The following STXBP6 variants were observed in gnomAD, a reference collection of about 807,000 sequenced individuals.
STXBP6 encodes syntaxin binding protein 6.
In STXBP6, 21 loss-of-function variants were observed where a neutral mutation model predicts 26.9. The ratio of observed to expected loss-of-function variants is 0.78; its 90% CI spans 0.55 to 1.12. The LOEUF is 1.12. STXBP6 is among the 50% of genes most tolerant of loss of function. The probability of loss-of-function intolerance (pLI) is 0.00; values close to 1 mark genes in which losing one functional copy is unlikely to be tolerated. For synonymous variants in STXBP6, 97 were observed against 92.6 expected, an observed-to-expected ratio of 1.05 and a Z score of -0.27; for missense variants, 232 against 257.9, an observed-to-expected ratio of 0.90 and a Z score of 0.69.
chr14:25,025,672 T>C (rs1418347082), intron 1 of STXBP6, among the ~76,000 whole-genome samples: 1 of 152,086 alleles, frequency 6.6e-6, no homozygotes, highest in Non-Finnish European at 1.5e-5. Flanking sequence ...GCAAAAGAAA[T>C]GAAGGCAAAA....
intron 2 of STXBP6, among the ~76,000 whole-genome samples, chr14:24,918,447 C>T (rs917995908): frequency 4.4e-5 from 6 of 134,908 alleles, no homozygotes; most frequent in African/African-American, 1.4e-4. Flanking sequence ...AAAACCACAC[C>T]CCCACCACAC....
chr14:24,856,168 G>A (rs2069326795), intron 3 of STXBP6, 67 bp from the exon 4 acceptor site: 2 of 1,444,354 alleles, frequency 1.4e-6, no homozygotes, highest in African/African-American at 2.9e-5. Flanking sequence ...GATTACTCCT[G>A]TCAAAAGATT....
chr14:25,044,397 C>G (rs2075693705), intron 1 of STXBP6, among the ~76,000 whole-genome samples: 1 of 152,092 alleles, frequency 6.6e-6, no homozygotes, highest in Non-Finnish European at 1.5e-5. Flanking sequence ...TCCACATTCT[C>G]CACCTGGCCG....
In STXBP6 at chr14:24,974,800, T is replaced by C. The variant is rs765190678; in HGVS notation, c.19A>G (p.Ile7Val). 3 of 1,608,886 alleles carry C rather than the reference T, an allele frequency of 1.9e-6. No homozygotes were observed. Among genetic ancestry groups the C allele is most frequent in the Non-Finnish European group, 2.5e-6 (3 of 1,177,190 alleles). MSAKSAISKEIFAPLDE... is the reference protein window; with the variant it reads MSAKSAVSKEIFAPLDE... Reference sequence around the variant, plus strand: ...AGAGGTGCAAAAATTTCCTTGCTGATAGCAGATTTGGCACTCATTGTAGAA... The same window carrying C: ...AGAGGTGCAAAAATTTCCTTGCTGACAGCAGATTTGGCACTCATTGTAGAA... The change falls in exon 2 of 6, where the codon ATC (isoleucine) becomes GTC (valine). Residue 7 changes from isoleucine (I) to valine (V), a missense_variant. Ile to Val is a conservative substitution (Grantham distance 29, BLOSUM62 3). Coordinates refer to ENST00000323944, the MANE Select transcript of STXBP6 (RefSeq NM_001394410.1).
intron 4 of STXBP6, among the ~76,000 whole-genome samples, chr14:24,855,089 G>A (rs999614995): frequency 1.1e-4 from 16 of 152,048 alleles, no homozygotes; most frequent in African/African-American, 3.9e-4. Context: ...GACAGTATGT[G>A]TGTCAGTTGC....
chr14:24,966,539 CAAGAG>C (rs2073739761), intron 2 of STXBP6, among the ~76,000 whole-genome samples: 1 of 152,158 alleles, frequency 6.6e-6, no homozygotes, highest in East Asian at 1.9e-4. Flanking sequence ...GTAGAAATAA[CAAGAG>C]AAGGCTGTTG....
At chr14:24,906,780 T>C (rs1221538407) in intron 2 of STXBP6, among the ~76,000 whole-genome samples, 1 of 152,156 alleles carries the variant, frequency 6.6e-6, no homozygotes, top group African/African-American at 2.4e-5. Flanking sequence ...AGTAAATTGA[T>C]GTAGTAGGAA....
intron 1 of STXBP6, among the ~76,000 whole-genome samples, chr14:25,013,427 T>C (rs2140390367): frequency 6.6e-6 from 1 of 151,678 alleles, no homozygotes; most frequent in East Asian, 1.9e-4. Context: ...TTGATGGATT[T>C]AGACAGCAAA....
intron 1 of STXBP6, among the ~76,000 whole-genome samples, chr14:24,988,297 TACC>T (rs2074384118): frequency 6.6e-6 from 1 of 152,180 alleles, no homozygotes; most frequent in Non-Finnish European, 1.5e-5. Flanking sequence ...AGTGAGTAAT[TACC>T]ACAACCTGGG....
At chr14:24,839,739 A>C (rs545823138) in intron 4 of STXBP6, among the ~76,000 whole-genome samples, 1 of 152,202 alleles carries the variant, frequency 6.6e-6, no homozygotes, top group Non-Finnish European at 1.5e-5. Flanking sequence ...CAACTTTGGG[A>C]GATAGGTACT....
At chr14:24,886,445 C>A (rs2070592101) in intron 2 of STXBP6, among the ~76,000 whole-genome samples, 1 of 152,068 alleles carries the variant, frequency 6.6e-6, no homozygotes, top group Non-Finnish European at 1.5e-5. Context: ...CATCTAATGA[C>A]CTTAATACAG....
At chr14:24,972,938 G>A (rs1184735773) in intron 2 of STXBP6, among the ~76,000 whole-genome samples, 1 of 152,162 alleles carries the variant, frequency 6.6e-6, no homozygotes, top group Non-Finnish European at 1.5e-5. Context: ...GCAACAGAGT[G>A]AGAACTCATC....
At chr14:24,946,783 G>A (rs1241127516) in intron 2 of STXBP6, among the ~76,000 whole-genome samples, 1 of 152,166 alleles carries the variant, frequency 6.6e-6, no homozygotes, top group African/African-American at 2.4e-5. Flanking sequence ...AGCATTGTTG[G>A]TACTTAATGG....
intron 2 of STXBP6, among the ~76,000 whole-genome samples, chr14:24,942,006 C>G (rs2072821060): frequency 6.6e-6 from 1 of 152,204 alleles, no homozygotes; most frequent in Admixed American, 6.5e-5. Context: ...TACTTCAATT[C>G]TTTCTGTGTC....
intron 2 of STXBP6, among the ~76,000 whole-genome samples, chr14:24,952,159 CATG>C (rs1354239088): frequency 4.0e-5 from 6 of 151,286 alleles, no homozygotes; most frequent in East Asian, 3.9e-4. Context: ...CATGGGGATT[CATG>C]ATATTATTCT....
At chr14:25,001,402 T>G (rs1414207358) in intron 1 of STXBP6, among the ~76,000 whole-genome samples, 3 of 152,174 alleles carry the variant, frequency 2.0e-5, no homozygotes. Context: ...ACAAATCACT[T>G]TCAACCATAC....
At chr14:24,885,891 T>C (rs1197631737) in intron 2 of STXBP6, among the ~76,000 whole-genome samples, 1 of 152,246 alleles carries the variant, frequency 6.6e-6, no homozygotes, top group Non-Finnish European at 1.5e-5. Flanking sequence ...TGTACAGGAA[T>C]ATATGAATAT....
rs2067768460 is a variant in STXBP6, at chr14:24,809,722, G to A, written c.*2987C>T. 1 of 152,142 alleles carries A rather than the reference G, an allele frequency of 6.6e-6. No homozygotes were observed. Among genetic ancestry groups the A allele is most frequent in the Non-Finnish European group, 1.5e-5 (1 of 68,026 alleles). 9.4% of individuals were successfully genotyped at this position (152,142 alleles called of 1,614,324 possible). On this transcript the variant is annotated 3_prime_UTR_variant, in exon 6 of 6. Transcript: ENST00000323944. ...GTTGTAATAGTGAATCAATAGAGCA[G>A]GTGTTACTTATCTCTGAATTAAACA...
intron 2 of STXBP6, among the ~76,000 whole-genome samples, chr14:24,890,387 A>G (rs1317579838): frequency 6.6e-6 from 1 of 152,258 alleles, no homozygotes; most frequent in Non-Finnish European, 1.5e-5. Flanking sequence ...AAGATCCTCA[A>G]CATCTGAATA....
Sources: gnomAD v4.1 joint callset for allele counts (sites outside exome capture counted in the v4.1 genomes callset) on GRCh38, gnomAD v4.1.1 for gene constraint, MANE v1.5 for transcripts, NCBI Gene and HGNC (gene_info 2026-07-23, HGNC 2026-07-21) for gene names.